The following RGS17 variants were observed in gnomAD, a reference collection of about 807,000 sequenced individuals.
RGS17 encodes the protein regulator of G-protein signaling 17.
In RGS17, 12 loss-of-function variants were observed where a neutral mutation model predicts 25.5. That is an observed-to-expected ratio of 0.47 (90% CI 0.30 to 0.76). The LOEUF (loss-of-function observed/expected upper bound fraction) is 0.76, where lower values mean the gene tolerates loss of function less well. Among genes scored for constraint, RGS17 ranks in the 30% least tolerant of loss-of-function variants. The pLI is 0.07. For missense variants in RGS17, 196 were observed against 242.2 expected, an observed-to-expected ratio of 0.81 and a Z score of 1.27; for synonymous variants, 71 against 76.9, an observed-to-expected ratio of 0.92 and a Z score of 0.40.
At chr6:153,033,407 C>T (rs1326247260) in intron 2 of RGS17, among the ~76,000 whole-genome samples, 1 of 152,062 alleles carries the variant, frequency 6.6e-6, no homozygotes, top group Non-Finnish European at 1.5e-5. Context: ...GGTCTGAATA[C>T]AAAGATATAC....
At chr6:153,075,741 C>T (rs899944999) in intron 1 of RGS17, among the ~76,000 whole-genome samples, 9 of 152,078 alleles carry the variant, frequency 5.9e-5, no homozygotes, top group African/African-American at 2.2e-4. Flanking sequence ...AAACTGATAT[C>T]GAGTAATTTT....
intron 1 of RGS17, among the ~76,000 whole-genome samples, chr6:153,093,798 G>C (rs1377004227): frequency 6.6e-6 from 1 of 152,106 alleles, no homozygotes; most frequent in Admixed American, 6.6e-5. Context: ...CTAGTGAAAA[G>C]ATCATTGATC....
intron 1 of RGS17, among the ~76,000 whole-genome samples, chr6:153,065,240 G>A (rs554539094): frequency 6.6e-6 from 1 of 152,244 alleles, no homozygotes; most frequent in East Asian, 1.9e-4. Flanking sequence ...AATTCAACAA[G>A]AGGATATAAC....
intron 1 of RGS17, among the ~76,000 whole-genome samples, chr6:153,095,790 T>G (rs1312153868): frequency 6.6e-6 from 1 of 152,176 alleles, no homozygotes; most frequent in Non-Finnish European, 1.5e-5. Flanking sequence ...CTATAATATA[T>G]AGCTTGATTT....
At chr6:153,045,292 C>A (rs911415581) in intron 1 of RGS17, among the ~76,000 whole-genome samples, 1 of 152,146 alleles carries the variant, frequency 6.6e-6, no homozygotes, top group African/African-American at 2.4e-5. Context: ...AGATGCTCCC[C>A]TAGGAGGAGT....
chr6:153,060,748 T>C (rs1776623995), intron 1 of RGS17, among the ~76,000 whole-genome samples: 1 of 152,088 alleles, frequency 6.6e-6, no homozygotes, highest in Non-Finnish European at 1.5e-5. Context: ...CGGTGCCTAC[T>C]AATGTTTGTG....
In RGS17 at chr6:153,127,619, A is replaced by G. The variant is rs571383001; in HGVS notation, c.-26+3505T>C. 2.1e-3 allele frequency among the ~76,000 whole-genome samples: 325 copies of G among 152,312 alleles called. 3 individuals are homozygous for G. Among genetic ancestry groups the G allele is most frequent in the African/African-American group, 7.6e-3 (314 of 41,566 alleles). ...CCCAAAATTCATGCTCTTCACATCC[A>G]TATCTGCCTATAGGTAATTTTGTAT... On this transcript the variant is annotated intron_variant, in intron 1 of 4. Coordinates refer to ENST00000206262, the MANE Select transcript of RGS17 (RefSeq NM_012419.5).
chr6:153,044,231 G>T (rs955640796), intron 1 of RGS17, among the ~76,000 whole-genome samples, 188 bp from the exon 2 acceptor site: 1 of 152,124 alleles, frequency 6.6e-6, no homozygotes, highest in Non-Finnish European at 1.5e-5. Flanking sequence ...AAAAACTTTG[G>T]GGAGGAACGT....
intron 2 of RGS17, among the ~76,000 whole-genome samples, chr6:153,035,153 CA>C (rs55877870): frequency 4.8e-5 from 7 of 146,778 alleles, no homozygotes; most frequent in Non-Finnish European, 4.5e-5. Context: ...GACTCTCTCA[CA>C]AAAAAAAAAA....
Position 153,042,990 on chromosome 6 carries a change from T to C in RGS17, c.119+910A>G, listed in dbSNP as rs893613184. Reference sequence around the variant, plus strand: ...CTAGAAGATCCACTTGTAAACTGTATGTTAAAAGACCCCAAAATGTATGGT... The same window carrying C: ...CTAGAAGATCCACTTGTAAACTGTACGTTAAAAGACCCCAAAATGTATGGT... On this transcript the variant is annotated intron_variant, in intron 2 of 4. Coordinates refer to ENST00000206262, the MANE Select transcript of RGS17 (RefSeq NM_012419.5). Among the ~76,000 whole-genome samples the C allele has an allele frequency of 9.9e-5, 15 of 152,182 alleles. No homozygotes were observed. The East Asian group carries it at 1.5e-3, about 16-fold the overall frequency.
At chr6:153,106,311 C>A (rs1777383219) in intron 1 of RGS17, among the ~76,000 whole-genome samples, 1 of 151,854 alleles carries the variant, frequency 6.6e-6, no homozygotes, top group South Asian at 2.1e-4. Context: ...TACCTTAGAC[C>A]TTAAAGGATG....
At chr6:153,054,033 A>G (rs1278017659) in intron 1 of RGS17, among the ~76,000 whole-genome samples, 1 of 49,122 alleles carries the variant, frequency 2.0e-5, no homozygotes, top group Non-Finnish European at 4.0e-5. Flanking sequence ...TAATATATAT[A>G]CATATATATG....
chr6:153,066,115 A>G (rs1433691197), intron 1 of RGS17, among the ~76,000 whole-genome samples: 1 of 152,206 alleles, frequency 6.6e-6, no homozygotes, highest in Non-Finnish European at 1.5e-5. Flanking sequence ...TGATGCCGCA[A>G]ACATTCAAAG....
intron 1 of RGS17, among the ~76,000 whole-genome samples, chr6:153,070,873 GC>G (rs1418595191): frequency 6.7e-6 from 1 of 148,286 alleles, no homozygotes; most frequent in African/African-American, 2.5e-5. Context: ...ACATGCATAT[GC>G]CCATATACGC....
chr6:153,100,761 C>T (rs979067254), intron 1 of RGS17, among the ~76,000 whole-genome samples: 1 of 152,146 alleles, frequency 6.6e-6, no homozygotes, highest in South Asian at 2.1e-4. Context: ...TTAAAGCTTT[C>T]CCCAGACATC....
intron 1 of RGS17, among the ~76,000 whole-genome samples, chr6:153,101,631 C>A (rs908688273): frequency 3.3e-5 from 5 of 152,090 alleles, no homozygotes; most frequent in Non-Finnish European, 7.4e-5. Flanking sequence ...TGCGTCCCCA[C>A]CCAAGTCTCA....
Position 153,095,738 on chromosome 6 carries a change from C to T in RGS17, c.-26+35386G>A, listed in dbSNP as rs368204475. ...TCATATTTGTTGAGGAATAAAAGGA[C>T]GCATAAATCTCTGTATGGGAAGGCA... On this transcript the variant is annotated intron_variant, in intron 1 of 4. Coordinates refer to ENST00000206262, the MANE Select transcript of RGS17 (RefSeq NM_012419.5). 8.5e-5 allele frequency among the ~76,000 whole-genome samples: 13 copies of T among 152,216 alleles called. No homozygotes were observed. The South Asian group carries it at 1.2e-3, about 15-fold the overall frequency.
rs60117149 is a variant in RGS17, at chr6:153,069,739, C to CGTGTGTGTGTGT, written c.-25-25708_-25-25697dup. Among the ~76,000 whole-genome samples, 157 of 141,042 alleles carry CGTGTGTGTGTGT rather than the reference C, an allele frequency of 1.1e-3. 3 individuals carry two copies. Among genetic ancestry groups the CGTGTGTGTGTGT allele is most frequent in the Middle Eastern group, 3.7e-3 (1 of 272 alleles). 92.5% of individuals were successfully genotyped at this position (141,042 alleles called of 152,430 possible). A position where few individuals can be genotyped will look rare whatever the true frequency, so the allele number is the denominator to read the frequency against. On this transcript the variant is annotated intron_variant, in intron 1 of 4. Transcript: ENST00000206262. ...ATGTACCCCATACATATATACACCT[C>CGTGTGTGTGTGT]GTGTGTGTGTGTGTGTGTGTGTGTG...
At chr6:153,119,909 T>C (rs545396459) in intron 1 of RGS17, among the ~76,000 whole-genome samples, 15 of 152,204 alleles carry the variant, frequency 9.9e-5, no homozygotes, top group Non-Finnish European at 2.1e-4. Context: ...TGTATAATCT[T>C]TTTCCACGGC....
Sources: allele counts gnomAD v4.1 joint callset (sites outside exome capture counted in the v4.1 genomes callset), GRCh38; gene constraint gnomAD v4.1.1; transcripts MANE v1.5; gene names NCBI Gene and HGNC (gene_info 2026-07-23, HGNC 2026-07-21).